NINL: variants seen among roughly 807,000 people sequenced by gnomAD.
The protein encoded by NINL is ninein-like protein.
NINL carries 153 observed loss-of-function variants against 160.3 expected under a neutral mutation model. The ratio of observed to expected loss-of-function variants is 0.95; its 90% confidence interval spans 0.84 to 1.09. NINL has a LOEUF of 1.09. Among genes scored for constraint, NINL ranks in the 50% least tolerant of loss-of-function variants. The probability of loss-of-function intolerance (pLI) is 0.00; values close to 1 mark genes in which losing one functional copy is unlikely to be tolerated. For missense variants in NINL, 1,829 were observed against 1,764.0 expected (o/e 1.04, Z -0.66); for synonymous variants, 800 against 734.8 (o/e 1.09, Z -1.43).
intron 17 of NINL, among the ~76,000 whole-genome samples, chr20:25,474,689 A>T (rs2063188098): frequency 6.7e-6 from 1 of 150,282 alleles, no homozygotes; most frequent in South Asian, 2.1e-4. Flanking sequence ...ATCTCGGCTC[A>T]CTGAAACCTC....
At chr20:25,472,295 T>C (rs1374703186) in intron 17 of NINL, among the ~76,000 whole-genome samples, 1 of 142,272 alleles carries the variant, frequency 7.0e-6, no homozygotes, top group Non-Finnish European at 1.5e-5. Context: ...CAGTCACATA[T>C]CTAATTGAAG....
At chr20:25,482,585 A>G (rs1362934209) in intron 13 of NINL, among the ~76,000 whole-genome samples, 1 of 151,924 alleles carries the variant, frequency 6.6e-6, no homozygotes, top group East Asian at 2.0e-4. Context: ...TCCTGGCCTC[A>G]AGTGATATAC....
intron 1 of NINL, among the ~76,000 whole-genome samples, chr20:25,561,298 C>T (rs968775744): frequency 3.3e-5 from 5 of 152,178 alleles, no homozygotes; most frequent in Admixed American, 6.5e-5. Flanking sequence ...CTCGGCCTCC[C>T]GAGGTGCCGG....
In NINL at chr20:25,554,717, G is replaced by A. The variant is rs998627456; in HGVS notation, c.-11-28119C>T. On this transcript the variant is annotated intron_variant, in intron 1 of 23. Coordinates refer to ENST00000278886, the MANE Select transcript of NINL (RefSeq NM_025176.6). ...AGCTATTCAGGAAGCTGAGGCAGGA[G>A]GATCACTTGGGCCCAGGAGGTCAAG... Among the ~76,000 whole-genome samples the A allele has an allele frequency of 5.9e-5, 9 of 151,606 alleles. 1 individual carries two copies. The highest frequency in any genetic ancestry group is 2.2e-4 in the African/African-American group (9 of 41,262).
At chr20:25,561,926 C>A (rs1397075716) in intron 1 of NINL, among the ~76,000 whole-genome samples, 2 of 149,742 alleles carry the variant, frequency 1.3e-5, no homozygotes, top group African/African-American at 2.5e-5. Context: ...GCCAGGCCAG[C>A]CGCCCCGTCC....
At chr20:25,494,496 C>T (rs1161061883) in intron 10 of NINL, among the ~76,000 whole-genome samples, 3 of 152,180 alleles carry the variant, frequency 2.0e-5, no homozygotes, top group African/African-American at 7.2e-5. Context: ...CCACAGGCCC[C>T]ATGCACTCAC....
In NINL at chr20:25,476,444, G is replaced by GTC; in HGVS notation, c.2845_2846dup (p.Asp949GlufsTer15). 1 of 1,608,548 alleles carries GTC rather than the reference G, an allele frequency of 6.2e-7. No homozygotes were observed. Among genetic ancestry groups the GTC allele is most frequent in the East Asian group, 2.2e-5 (1 of 44,870 alleles). Reference sequence around the variant, plus strand: ...ACATCCGTGGCTGGGTTTGCGAGGCGTCTCTCTCTGTTCCCAGCAGAGGCA... The same window carrying GTC: ...ACATCCGTGGCTGGGTTTGCGAGGCGTCTCTCTCTCTGTTCCCAGCAGAGGCA... On this transcript the variant is annotated frameshift_variant, in exon 17 of 24. Transcript: ENST00000278886. LOFTEE classifies it high-confidence loss of function.
intron 1 of NINL, among the ~76,000 whole-genome samples, chr20:25,554,164 CAACAAGGAGCAGAAGCTA>C (rs1475574386): frequency 6.6e-6 from 1 of 152,124 alleles, no homozygotes; most frequent in East Asian, 1.9e-4. Flanking sequence ...TGTGTCGAGG[CAACAAGGAGCAGAAGCTA>C]AACAAGGAGC....
At chr20:25,481,822 T>C (rs1457725242) in intron 14 of NINL, 146 bp downstream of exon 14, 3 of 1,218,064 alleles carry the variant, frequency 2.5e-6, no homozygotes, top group South Asian at 3.2e-5. Flanking sequence ...TGGATCCTCC[T>C]TGGAAAGTCC....
chr20:25,512,729 C>T, intron 4 of NINL, 105 bp downstream of exon 4: 1 of 1,400,194 alleles, frequency 7.1e-7, no homozygotes, highest in Non-Finnish European at 9.6e-7. Context: ...GAGACGGTGG[C>T]TGCCCTCCCC....
chr20:25,505,704 A>T (rs1380667776), intron 5 of NINL, among the ~76,000 whole-genome samples: 1 of 152,224 alleles, frequency 6.6e-6, no homozygotes, highest in Non-Finnish European at 1.5e-5. Context: ...CTCTGAAATC[A>T]GATGGATTGA....
rs1406450283 is a variant in NINL at position 25,501,258 on chromosome 20, G to A, written c.862-248C>T. 2.6e-5 allele frequency among the ~76,000 whole-genome samples: 4 copies of A among 152,228 alleles called. No homozygotes were observed. The East Asian group carries it at 7.7e-4, about 29-fold the overall frequency. On this transcript the variant is annotated intron_variant, in intron 7 of 23. Transcript: ENST00000278886. ...GGCCCCCAACACCCAGGACTCTGAG[G>A]CCTTGCACCCACGTGGCCCAACCGG...
intron 22 of NINL, among the ~76,000 whole-genome samples, chr20:25,456,098 C>T (rs1037358091): frequency 6.6e-6 from 1 of 150,656 alleles, no homozygotes; most frequent in African/African-American, 2.4e-5. Context: ...GAAAAATTAG[C>T]TGGGCGTGGT....
intron 13 of NINL, among the ~76,000 whole-genome samples, chr20:25,484,710 A>T (rs1005589895): frequency 4.6e-5 from 7 of 152,238 alleles, no homozygotes; most frequent in Admixed American, 6.5e-5. Context: ...GCATGGACAG[A>T]TGTGGAGGGG....
At chr20:25,578,024 GT>G (rs1302805749) in intron 1 of NINL, among the ~76,000 whole-genome samples, 2 of 151,452 alleles carry the variant, frequency 1.3e-5, no homozygotes, top group Non-Finnish European at 2.9e-5. Context: ...TAGAGATGGG[GT>G]TTTTCCACGT....
intron 1 of NINL, among the ~76,000 whole-genome samples, chr20:25,583,194 A>T (rs879763713): frequency 3.3e-5 from 5 of 152,226 alleles, no homozygotes; most frequent in Non-Finnish European, 7.3e-5. Context: ...GGCAACCTAC[A>T]GAACGGGGTA....
At chr20:25,552,434 A>G (rs1415629718) in intron 1 of NINL, among the ~76,000 whole-genome samples, 1 of 152,232 alleles carries the variant, frequency 6.6e-6, no homozygotes, top group African/African-American at 2.4e-5. Context: ...AAGAGCTGTG[A>G]AAGAAAAAAA....
At chr20:25,567,115 A>T (rs901443255) in intron 1 of NINL, among the ~76,000 whole-genome samples, 11 of 152,174 alleles carry the variant, frequency 7.2e-5, no homozygotes, top group South Asian at 2.1e-4. Flanking sequence ...CAAAAAAAAA[A>T]TTTTCTTTTA....
intron 2 of NINL, 58 bp downstream of exon 2, chr20:25,526,350 A>C (rs182265408): frequency 8.1e-6 from 12 of 1,477,374 alleles, no homozygotes; most frequent in Non-Finnish European, 1.1e-5. Context: ...TCAAATGCCC[A>C]TAAGAGCCAA....
Sources: gnomAD v4.1 joint callset for allele counts (sites outside exome capture counted in the v4.1 genomes callset) on GRCh38, gnomAD v4.1.1 for gene constraint, MANE v1.5 for transcripts, NCBI Gene and HGNC (gene_info 2026-07-23, HGNC 2026-07-21) for gene names.